Variants in CUL5 observed in about 807,000 individuals in gnomAD.
CUL5 encodes the protein cullin 5, also known as cullin-5.
CUL5 carries 26 observed loss-of-function variants against 108.8 expected under a neutral mutation model. That is an observed-to-expected ratio of 0.24 (90% CI 0.18 to 0.33). The LOEUF (loss-of-function observed/expected upper bound fraction) is 0.33. Among genes scored for constraint, CUL5 ranks in the 10% least tolerant of loss-of-function variants. CUL5 has a pLI of 1.00. For missense variants in CUL5, 524 were observed against 909.2 expected, an observed-to-expected ratio of 0.58 and a Z score of 5.45; for synonymous variants, 334 against 298.0, an observed-to-expected ratio of 1.12 and a Z score of -1.25.
chr11:108,082,348 A>G (rs1336755334), intron 11 of CUL5, among the ~76,000 whole-genome samples: 1 of 148,468 alleles, frequency 6.7e-6, no homozygotes, highest in African/African-American at 2.5e-5. Flanking sequence ...TGGCGCAATC[A>G]TGGCTCACTG....
At chr11:108,070,550 T>C (rs947457227) in intron 8 of CUL5, among the ~76,000 whole-genome samples, 5 of 152,174 alleles carry the variant, frequency 3.3e-5, no homozygotes, top group African/African-American at 1.2e-4. Context: ...GATGAATCTT[T>C]TTAGAATGTA....
At chr11:108,017,543 A>G (rs1051279254) in intron 1 of CUL5, among the ~76,000 whole-genome samples, 1 of 152,210 alleles carries the variant, frequency 6.6e-6, no homozygotes, top group African/African-American at 2.4e-5. Flanking sequence ...GGCGGTAGCG[A>G]AAACAACGTG....
At position 108,078,191 on chromosome 11, in the gene CUL5, G is replaced by A. The variant is rs746145969; in HGVS notation, c.1129G>A (p.Val377Ile). Residue 377 changes from valine (V) to isoleucine (I), a missense_variant, in exon 11 of 19, where the codon GTT (valine) becomes ATT (isoleucine). Coordinates refer to ENST00000393094, the MANE Select transcript of CUL5 (RefSeq NM_003478.6). ...TTTTTTGCAGGCGTATAAAGCAGTT[G>A]TTAATGATGCTACCATATTTAAACT... ...TARDKAYKAV[V>I]NDATIFKLEL... 26 of 1,568,602 alleles carry A rather than the reference G, an allele frequency of 1.7e-5. No individual in the cohort carries two copies. In the South Asian group the frequency reaches 2.8e-4, roughly 17 times the overall value.
At chr11:108,088,863 C>T (rs900118387) in intron 12 of CUL5, among the ~76,000 whole-genome samples, 5 of 151,722 alleles carry the variant, frequency 3.3e-5, no homozygotes, top group African/African-American at 1.2e-4. Context: ...GAAAGGAATA[C>T]CATTTAATTC....
intron 2 of CUL5, among the ~76,000 whole-genome samples, chr11:108,035,142 A>T (rs1201344760): frequency 6.6e-6 from 1 of 152,224 alleles, no homozygotes; most frequent in African/African-American, 2.4e-5. Context: ...AACACAAGTC[A>T]GTAGCAGTGA....
At chr11:108,071,792 G>A (rs1004226392) in intron 8 of CUL5, among the ~76,000 whole-genome samples, 1 of 152,106 alleles carries the variant, frequency 6.6e-6, no homozygotes, top group Non-Finnish European at 1.5e-5. Context: ...GGGCTCAAAT[G>A]ATCCTCCCAC....
In CUL5 at chr11:108,070,943, G is replaced by T. The variant is rs558034683; in HGVS notation, c.874+754G>T. On this transcript the variant is annotated intron_variant, in intron 8 of 18. Coordinates refer to ENST00000393094, the MANE Select transcript of CUL5 (RefSeq NM_003478.6). ...GGCGTAAACAAAATACTTGTATTCTGTGTGCCAGTCTAATTAGAGTTATGT... is the reference window on the plus strand; with the variant it reads ...GGCGTAAACAAAATACTTGTATTCTTTGTGCCAGTCTAATTAGAGTTATGT... Among the ~76,000 whole-genome samples, 53 of 152,264 alleles carry T rather than the reference G, an allele frequency of 3.5e-4. 1 individual carries two copies. Among genetic ancestry groups the T allele is most frequent in the African/African-American group, 1.3e-3 (52 of 41,570 alleles).
At position 108,105,253 on chromosome 11, in the gene CUL5, A is replaced by C. The variant is rs1055592091; in HGVS notation, c.*869A>C. On this transcript the variant is annotated 3_prime_UTR_variant, in exon 19 of 19. Transcript: ENST00000393094. ...TATTGTGTGTTTACTAACACACTTA[A>C]TGTTTATATACCTAATATTTATTAT... is the stretch of plus-strand genomic sequence containing the variant. 1 of 152,160 alleles carries C rather than the reference A, an allele frequency of 6.6e-6. No homozygotes were observed. The highest frequency in any genetic ancestry group is 2.4e-5 in the African/African-American group (1 of 41,442). 9.4% of individuals were successfully genotyped at this position (152,160 alleles called of 1,614,324 possible).
chr11:108,063,118 T>C lies in CUL5; in HGVS notation c.781-6978T>C, dbSNP rs145412333. Among the ~76,000 whole-genome samples, 494 of 152,320 alleles carry C rather than the reference T, an allele frequency of 3.2e-3. 20 individuals are homozygous for C. In the East Asian group the frequency reaches 0.06, roughly 19 times the overall value. Reference sequence around the variant, plus strand: ...GCTCAGCCTCCCAAAGTGCTGGGATTACAGGTGTGAGCCACTGCACCCGAC... The same window carrying C: ...GCTCAGCCTCCCAAAGTGCTGGGATCACAGGTGTGAGCCACTGCACCCGAC... On this transcript the variant is annotated intron_variant, in intron 7 of 18. Transcript: ENST00000393094.
intron 1 of CUL5, among the ~76,000 whole-genome samples, chr11:108,014,360 C>G (rs1345978083): frequency 6.6e-6 from 1 of 152,044 alleles, no homozygotes; most frequent in African/African-American, 2.4e-5. Context: ...CATAGAAACC[C>G]AGAATACAGG....
At chr11:108,038,469 C>T (rs187968315) in intron 2 of CUL5, among the ~76,000 whole-genome samples, 1 of 152,138 alleles carries the variant, frequency 6.6e-6, no homozygotes, top group African/African-American at 2.4e-5. Flanking sequence ...GGGTGGATTA[C>T]CTGAGGTCAG....
At chr11:108,048,393 A>T in intron 3 of CUL5, among the ~76,000 whole-genome samples, 1 of 152,182 alleles carries the variant, frequency 6.6e-6, no homozygotes, top group Non-Finnish European at 1.5e-5. Flanking sequence ...TTATTAATGC[A>T]GCAGCAGTGG....
intron 7 of CUL5, among the ~76,000 whole-genome samples, chr11:108,066,990 A>G (rs1565255278): frequency 1.3e-5 from 2 of 152,220 alleles, no homozygotes; most frequent in South Asian, 4.1e-4. Context: ...GCATGTAGCC[A>G]TCACTAAGTA....
chr11:108,093,509 A>G (rs1443709594), intron 13 of CUL5, among the ~76,000 whole-genome samples: 1 of 151,960 alleles, frequency 6.6e-6, no homozygotes, highest in Non-Finnish European at 1.5e-5. Context: ...TTTTATTTTC[A>G]TTTCCAGCAT....
chr11:108,025,788 C>T (rs1317820544), intron 1 of CUL5, among the ~76,000 whole-genome samples: 1 of 152,178 alleles, frequency 6.6e-6, no homozygotes, highest in Non-Finnish European at 1.5e-5. Context: ...CTTGATGCCA[C>T]AAATTCTAGT....
chr11:108,012,463 C>T (rs1298940404), intron 1 of CUL5, among the ~76,000 whole-genome samples: 6 of 149,350 alleles, frequency 4.0e-5, no homozygotes, highest in Admixed American at 6.7e-5. Flanking sequence ...TTGTCTCATT[C>T]TGCTTGTTCT....
chr11:108,036,507 C>G (rs1862748011), intron 2 of CUL5, among the ~76,000 whole-genome samples: 1 of 152,152 alleles, frequency 6.6e-6, no homozygotes, highest in South Asian at 2.1e-4. Context: ...GAGACAGAGT[C>G]TTGCTTTGTT....
chr11:108,077,036 T>G (rs7106586), intron 10 of CUL5, among the ~76,000 whole-genome samples: 1 of 152,202 alleles, frequency 6.6e-6, no homozygotes, highest in African/African-American at 2.4e-5. Context: ...AAAATATGTT[T>G]GGCAGCTTCA....
At chr11:108,087,508 C>T (rs1268435864) in intron 11 of CUL5, among the ~76,000 whole-genome samples, 1 of 152,234 alleles carries the variant, frequency 6.6e-6, no homozygotes, top group East Asian at 1.9e-4. Flanking sequence ...ATACAATATA[C>T]TGCTGGGTGC....
Sources: gnomAD v4.1 joint callset for allele counts (sites outside exome capture counted in the v4.1 genomes callset) on GRCh38, gnomAD v4.1.1 for gene constraint, MANE v1.5 for transcripts, NCBI Gene and HGNC (gene_info 2026-07-23, HGNC 2026-07-21) for gene names.